The following DPH6 variants were observed in gnomAD, a reference collection of about 807,000 sequenced individuals.
DPH6 encodes the protein diphthine--ammonia ligase.
DPH6 carries 33 observed loss-of-function variants against 38.2 expected under a neutral mutation model. The observed-to-expected ratio is 0.86, with a 90% confidence interval of 0.65 to 1.15. The LOEUF (loss-of-function observed/expected upper bound fraction) is 1.15, where lower values mean the gene tolerates loss of function less well. Among genes scored for constraint, DPH6 ranks in the 50% most tolerant of loss-of-function variants. The pLI is 0.00. For synonymous variants in DPH6, 108 were observed against 103.0 expected, an observed-to-expected ratio of 1.05 and a Z score of -0.30; for missense variants, 325 against 320.0, an observed-to-expected ratio of 1.02 and a Z score of -0.12.
At chr15:35,417,566 A>C (rs2053452123) in intron 5 of DPH6, among the ~76,000 whole-genome samples, 1 of 152,064 alleles carries the variant, frequency 6.6e-6, no homozygotes, top group South Asian at 2.1e-4. Context: ...GCTAGACATC[A>C]CAACATCTCT....
chr15:35,516,887 A>C (rs2054855028), intron 3 of DPH6, among the ~76,000 whole-genome samples: 1 of 152,080 alleles, frequency 6.6e-6, no homozygotes, highest in Non-Finnish European at 1.5e-5. Context: ...TTTATTTGTA[A>C]GCAGTACTAC....
intron 3 of DPH6, among the ~76,000 whole-genome samples, chr15:35,339,872 G>A (rs914021476): frequency 6.6e-6 from 1 of 152,126 alleles, no homozygotes; most frequent in Non-Finnish European, 1.5e-5. Context: ...TTTAGGTGAA[G>A]AGTTTTGTAG....
intron 3 of DPH6, among the ~76,000 whole-genome samples, chr15:35,273,559 G>A (rs905186426): frequency 6.6e-6 from 1 of 152,170 alleles, no homozygotes; most frequent in African/African-American, 2.4e-5. Flanking sequence ...CTTCAGCAAA[G>A]TCTCAGGATA....
At chr15:35,201,833 G>A in the DPH6 span, among the ~76,000 whole-genome samples, 1 of 151,444 alleles carries the variant, frequency 6.6e-6, no homozygotes, top group African/African-American at 2.4e-5. Context: ...CAGTACCAGT[G>A]GTTTTTTTAG....
At chr15:35,254,831 A>G (rs916696712) in intron 3 of DPH6, among the ~76,000 whole-genome samples, 3 of 152,180 alleles carry the variant, frequency 2.0e-5, no homozygotes, top group Admixed American at 2.0e-4. Context: ...GGAAAATTAC[A>G]GTCAAAGGGG....
Position 35,398,866 on chromosome 15 carries a change from G to A in DPH6, c.567+11969C>T, listed in dbSNP as rs562454998. On this transcript the variant is annotated intron_variant, in intron 6 of 8. Transcript: ENST00000256538. ...ATAGTAAGACAGACAGTTGGTGTCT[G>A]CTGAGGAATTGCTTGGTGTGTGGGA... Among the ~76,000 whole-genome samples, 3 of 152,266 alleles carry A rather than the reference G, an allele frequency of 2.0e-5. No individual in the cohort carries two copies. The South Asian group carries it at 6.2e-4, about 32-fold the overall frequency.
chr15:35,277,056 A>G (rs1450171850), intron 3 of DPH6, among the ~76,000 whole-genome samples: 1 of 152,322 alleles, frequency 6.6e-6, no homozygotes, highest in South Asian at 2.1e-4. Context: ...CTACCCATCC[A>G]TGAGCATGGA....
intron 3 of DPH6, among the ~76,000 whole-genome samples, chr15:35,284,884 C>T (rs2140439914): frequency 7.2e-6 from 1 of 139,708 alleles, no homozygotes; most frequent in Admixed American, 7.9e-5. Flanking sequence ...GCAATCACAG[C>T]TCACTGCAGC....
chr15:35,184,402 A>G, the DPH6 span, among the ~76,000 whole-genome samples: 7 of 152,200 alleles, frequency 4.6e-5, no homozygotes, highest in African/African-American at 1.7e-4. Flanking sequence ...AAATAAACTC[A>G]TAATCCTCCC....
intron 5 of DPH6, among the ~76,000 whole-genome samples, chr15:35,421,772 A>G (rs2053508128): frequency 6.6e-6 from 1 of 152,110 alleles, no homozygotes; most frequent in African/African-American, 2.4e-5. Context: ...GCTTGAAAGT[A>G]AGGTCACAAA....
intron 3 of DPH6, among the ~76,000 whole-genome samples, chr15:35,302,882 A>G (rs907685024): frequency 1.3e-5 from 2 of 151,942 alleles, no homozygotes; most frequent in South Asian, 2.1e-4. Context: ...ATCAGTTTGC[A>G]GATTTGTGTG....
intron 3 of DPH6, among the ~76,000 whole-genome samples, chr15:35,271,025 T>C (rs1236861384): frequency 6.6e-6 from 1 of 152,170 alleles, no homozygotes; most frequent in East Asian, 1.9e-4. Flanking sequence ...TTTTTAGTTA[T>C]TGGTCTAATC....
chr15:35,186,559 T>C, the DPH6 span, among the ~76,000 whole-genome samples: 16,689 of 152,222 alleles, frequency 0.11, 1,319 homozygotes, highest in East Asian at 0.3. Context: ...AGCTCTTCTC[T>C]GGAATTTCCA....
Position 35,257,025 on chromosome 15 carries a change from T to C in DPH6, n.201-36443A>G, listed in dbSNP as rs1031805498. Among the ~76,000 whole-genome samples the C allele has an allele frequency of 5.9e-5, 9 of 152,112 alleles. 1 individual carries two copies. The highest frequency in any genetic ancestry group is 5.9e-4 in the Admixed American group (9 of 15,264). On this transcript the variant is annotated intron_variant and non_coding_transcript_variant, in intron 3 of 3. Coordinates refer to the DPH6 transcript ENST00000560386. Reference sequence around the variant, plus strand: ...GAGGACTGATAAGAATGGGGGTGATTTGATAGTGACAGGGGAGTGCTGGTG... The same window carrying C: ...GAGGACTGATAAGAATGGGGGTGATCTGATAGTGACAGGGGAGTGCTGGTG...
chr15:35,331,199 G>A (rs1455305745), intron 3 of DPH6: 1 of 152,160 alleles, frequency 6.6e-6, no homozygotes, highest in Non-Finnish European at 1.5e-5. Flanking sequence ...ACATCCTGTA[G>A]AATGAAATGT....
chr15:35,474,749 C>T (rs1307639797), intron 3 of DPH6, among the ~76,000 whole-genome samples: 9 of 152,028 alleles, frequency 5.9e-5, no homozygotes, highest in African/African-American at 2.2e-4. Flanking sequence ...AGCCCCACAA[C>T]TGCTCTGAAA....
rs144209781 is a variant in DPH6, at chr15:35,448,934, C to T, written c.505+1751G>A. ...TAAGACCATTTCATAGAAAAATGGT[C>T]CACAAAATTTTACTGATCCCTCTCC... On this transcript the variant is annotated intron_variant, in intron 5 of 8. Transcript: ENST00000256538. Among the ~76,000 whole-genome samples, 35 of 149,780 alleles carry T rather than the reference C, an allele frequency of 2.3e-4. No homozygotes were observed. The East Asian group carries it at 6.5e-3, about 28-fold the overall frequency.
intron 3 of DPH6, chr15:35,282,611 A>G: frequency 2.6e-6 from 1 of 391,408 alleles, no homozygotes; most frequent in South Asian, 2.1e-5. Flanking sequence ...AGATGAGCCA[A>G]TCTGGGAGCA....
chr15:35,305,589 A>T (rs1363957899), intron 3 of DPH6, among the ~76,000 whole-genome samples: 1 of 152,134 alleles, frequency 6.6e-6, no homozygotes, highest in East Asian at 1.9e-4. Context: ...AGGAAGTTTG[A>T]GATAATTACA....
Sources: gnomAD v4.1 joint callset for allele counts (sites outside exome capture counted in the v4.1 genomes callset) on GRCh38, gnomAD v4.1.1 for gene constraint, MANE v1.5 for transcripts, NCBI Gene and HGNC (gene_info 2026-07-23, HGNC 2026-07-21) for gene names.